Variants in UBXN2A observed in about 807,000 individuals in gnomAD.
UBXN2A encodes the protein UBX domain protein 2A, also known as UBX domain-containing protein 2A.
A neutral mutation model predicts 28.4 loss-of-function variants in UBXN2A; 28 were observed. That is an observed-to-expected ratio of 0.99 (90% confidence interval 0.73 to 1.35). UBXN2A has a LOEUF of 1.35. Among genes scored for constraint, UBXN2A ranks in the 40% most tolerant of loss-of-function variants. UBXN2A has a pLI of 0.00. For missense variants in UBXN2A, 253 were observed against 297.9 expected (o/e 0.85, Z 1.11); for synonymous variants, 97 against 103.6 (o/e 0.94, Z 0.39).
chr2:23,936,694 G>T (rs1312211368), upstream of UBXN2A, among the ~76,000 whole-genome samples: 2 of 152,068 alleles, frequency 1.3e-5, no homozygotes, highest in African/African-American at 4.8e-5. Flanking sequence ...CTAAAATTAG[G>T]AACAAGACAA....
chr2:23,933,212 A>G (rs1705427013), intron 1 of UBXN2A, among the ~76,000 whole-genome samples: 1 of 117,722 alleles, frequency 8.5e-6, no homozygotes, highest in African/African-American at 2.9e-5. Flanking sequence ...ATCTAATAAA[A>G]ATAAAAAGAA....
rs1168170013 is a variant in UBXN2A at position 23,994,442 on chromosome 2, T to G, written c.585-5230T>G. Reference sequence around the variant, plus strand: ...TTTGTGGCTTTATTTACATGTATGTTAGATGTTTTCAGTGTATCTTATATT... The same window carrying G: ...TTTGTGGCTTTATTTACATGTATGTGAGATGTTTTCAGTGTATCTTATATT... On this transcript the variant is annotated intron_variant, in intron 6 of 6. Transcript: ENST00000309033. Among the ~76,000 whole-genome samples the G allele has an allele frequency of 2.0e-5, 3 of 152,216 alleles. No individual in the cohort carries two copies. The East Asian group carries it at 5.8e-4, about 29-fold the overall frequency.
At chr2:23,950,869 G>A (rs941284643) in intron 1 of UBXN2A, among the ~76,000 whole-genome samples, 1 of 151,580 alleles carries the variant, frequency 6.6e-6, no homozygotes, top group Admixed American at 6.6e-5. Flanking sequence ...ACACCCATGC[G>A]TGGTTCGCCG....
chr2:23,932,058 G>A (rs1371290054), intron 1 of UBXN2A, among the ~76,000 whole-genome samples: 3 of 151,394 alleles, frequency 2.0e-5, no homozygotes, highest in East Asian at 3.9e-4. Context: ...AGTGGTTCTC[G>A]CCTGTAATCC....
chr2:23,959,217 C>G (rs1216646961), intron 2 of UBXN2A, among the ~76,000 whole-genome samples: 1 of 152,138 alleles, frequency 6.6e-6, no homozygotes, highest in Non-Finnish European at 1.5e-5. Context: ...GTTGGCCGGG[C>G]ACAGTGGCTC....
chr2:23,976,420 A>G (rs1319025468), intron 3 of UBXN2A, among the ~76,000 whole-genome samples: 2 of 152,140 alleles, frequency 1.3e-5, no homozygotes, highest in Non-Finnish European at 2.9e-5. Flanking sequence ...TTATGAAGCC[A>G]GTTGTAGTAG....
upstream of UBXN2A, chr2:23,939,793 G>A (rs72796369): frequency 1.3e-5 from 2 of 152,338 alleles, no homozygotes; most frequent in African/African-American, 2.4e-5. Context: ...CGGAAGGGCG[G>A]TTGCGTGTAG....
At chr2:23,979,820 C>G (rs1707823314) in intron 4 of UBXN2A, among the ~76,000 whole-genome samples, 1 of 151,986 alleles carries the variant, frequency 6.6e-6, no homozygotes, top group Admixed American at 6.6e-5. Context: ...ATCCTCCTGC[C>G]TCGATCTGCC....
intron 6 of UBXN2A, among the ~76,000 whole-genome samples, chr2:23,987,174 T>A (rs560115684): frequency 5.7e-4 from 87 of 151,628 alleles, no homozygotes; most frequent in Non-Finnish European, 9.4e-4. Context: ...TTTCTTTTTT[T>A]AAAAAAATTT....
intron 1 of UBXN2A, among the ~76,000 whole-genome samples, chr2:23,929,216 AG>A (rs1705297368): frequency 6.6e-6 from 1 of 151,936 alleles, no homozygotes; most frequent in Non-Finnish European, 1.5e-5. Flanking sequence ...TTGACCTCCC[AG>A]GCTCAAGCAA....
At chr2:23,999,583 A>T in intron 6 of UBXN2A, 89 bp from the exon 7 acceptor site, 1 of 1,364,748 alleles carries the variant, frequency 7.3e-7, no homozygotes. Flanking sequence ...ATAATAACAT[A>T]TCCAGATACT....
chr2:23,988,789 GC>G (rs953045554), intron 6 of UBXN2A, among the ~76,000 whole-genome samples: 2 of 152,030 alleles, frequency 1.3e-5, no homozygotes, highest in African/African-American at 4.8e-5. Flanking sequence ...CTCATAGTTT[GC>G]TATTTTATTC....
chr2:23,959,573 A>G (rs1462087436), intron 2 of UBXN2A, among the ~76,000 whole-genome samples: 1 of 152,194 alleles, frequency 6.6e-6, no homozygotes, highest in East Asian at 1.9e-4. Flanking sequence ...TTGATGATTT[A>G]CTAGAAGAAT....
rs1329667792 is a variant in UBXN2A at position 24,004,113 on chromosome 2, T to C, written c.*4246T>C. 1 of 152,214 alleles carries C rather than the reference T, an allele frequency of 6.6e-6. No homozygotes were observed. Among genetic ancestry groups the C allele is most frequent in the Admixed American group, 6.5e-5 (1 of 15,268 alleles). The allele number at this position is 152,214 out of a possible 1,614,324, so 9.4% of individuals were successfully genotyped here. ...GTGAAACGTTCATTAATGCGAATAA[T>C]ATCCTCAAAGATTTTCTACAATGAG... On this transcript the variant is annotated 3_prime_UTR_variant, in exon 7 of 7. Coordinates refer to ENST00000309033, the MANE Select transcript of UBXN2A (RefSeq NM_181713.4).
chr2:23,951,269 G>C (rs933833238), intron 1 of UBXN2A, among the ~76,000 whole-genome samples: 9 of 151,804 alleles, frequency 5.9e-5, no homozygotes, highest in Middle Eastern at 6.8e-3. Flanking sequence ...GTCCAAAAGA[G>C]CTGGGATCTT....
chr2:23,986,356 G>A lies in UBXN2A; in HGVS notation c.584+1525G>A, dbSNP rs183382998. The stretch of plus-strand genomic sequence containing the variant: ...TAGTAATAATAATGAAGTATTTTCA[G>A]TCTGTTTTAGGATTTTCATTCTCAT... On this transcript the variant is annotated intron_variant, in intron 6 of 6. Coordinates refer to ENST00000309033, the MANE Select transcript of UBXN2A (RefSeq NM_181713.4). Among the ~76,000 whole-genome samples the A allele has an allele frequency of 3.8e-4, 57 of 151,926 alleles. No homozygotes were observed. The East Asian group carries it at 6.2e-3, about 16-fold the overall frequency.
At chr2:23,946,460 A>G (rs559589023) in intron 1 of UBXN2A, among the ~76,000 whole-genome samples, 2 of 151,726 alleles carry the variant, frequency 1.3e-5, no homozygotes, top group Middle Eastern at 3.4e-3. Flanking sequence ...AGCTGGGACT[A>G]TAGGCGCACG....
At chr2:23,968,912 G>C (rs991789153) in intron 2 of UBXN2A, 1 of 48,004 alleles carries the variant, frequency 2.1e-5, no homozygotes, top group Non-Finnish European at 4.2e-5. Flanking sequence ...TTTTTTTTTT[G>C]AGACAGAGTC....
intron 3 of UBXN2A, among the ~76,000 whole-genome samples, chr2:23,973,402 G>C (rs4665650): frequency 0.45 from 67,515 of 148,868 alleles, 16,075 homozygotes; most frequent in East Asian, 0.78. Flanking sequence ...GCAGTGGTGC[G>C]ATCTCTGCTC....
Sources: gnomAD v4.1 joint callset for allele counts (sites outside exome capture counted in the v4.1 genomes callset) on GRCh38, gnomAD v4.1.1 for gene constraint, MANE v1.5 for transcripts, NCBI Gene and HGNC (gene_info 2026-07-23, HGNC 2026-07-21) for gene names.